Variants in FERMT2 observed in about 807,000 individuals in gnomAD.
FERMT2 encodes FERM domain containing kindlin 2, also known as fermitin family homolog 2.
In FERMT2, 15 loss-of-function variants were observed where a neutral mutation model predicts 82.7. That is an observed-to-expected ratio of 0.18 (90% CI 0.12 to 0.28). The LOEUF (loss-of-function observed/expected upper bound fraction) is 0.28. Ranked by LOEUF, FERMT2 falls within the 10% of genes least tolerant of loss-of-function variation. The pLI is 1.00. For synonymous variants in FERMT2, 274 were observed against 271.5 expected, an observed-to-expected ratio of 1.01 and a Z score of -0.09; for missense variants, 645 against 809.4, an observed-to-expected ratio of 0.80 and a Z score of 2.46.
intron 4 of FERMT2, among the ~76,000 whole-genome samples, chr14:52,887,774 C>CT (rs1385721099): frequency 1.3e-5 from 2 of 152,044 alleles, no homozygotes; most frequent in East Asian, 3.9e-4. Flanking sequence ...AATTACTTAA[C>CT]TAAGTAACGA....
intron 10 of FERMT2, chr14:52,871,739 T>C (rs1403792068): frequency 6.6e-6 from 1 of 152,390 alleles, no homozygotes; most frequent in East Asian, 1.9e-4. Flanking sequence ...TGAGGCTTCA[T>C]CCAGGCTTAG....
intron 4 of FERMT2, among the ~76,000 whole-genome samples, chr14:52,893,008 T>G (rs1385189105): frequency 6.6e-6 from 1 of 151,940 alleles, no homozygotes; most frequent in Non-Finnish European, 1.5e-5. Flanking sequence ...AGAGTTTATG[T>G]TTTTTTTGAG....
intron 4 of FERMT2, among the ~76,000 whole-genome samples, chr14:52,882,307 A>G (rs1594944952): frequency 6.6e-6 from 1 of 152,166 alleles, no homozygotes; most frequent in East Asian, 1.9e-4. Flanking sequence ...GAAAGAGTCT[A>G]AACAGAGATA....
chr14:52,932,909 C>T (rs1352679128), intron 2 of FERMT2, among the ~76,000 whole-genome samples: 2 of 152,126 alleles, frequency 1.3e-5, no homozygotes, highest in Non-Finnish European at 2.9e-5. Context: ...TGAGTTTCCA[C>T]AACCATGAAA....
Position 52,950,416 on chromosome 14 carries a change from T to G in FERMT2, c.153A>C (p.Lys51Asn). Residue 51 changes from lysine (K) to asparagine (N), a missense_variant, in exon 2 of 15, where the codon AAA (lysine) becomes AAC (asparagine). Physicochemically the swap from Lys to Asn is moderately conservative, Grantham distance 94. Transcript: ENST00000341590. ...IGGVMLKLVE[K>N]LDVKKDWSDH... ...CGCGGCTGGGATGCTACTCACCGAG[T>G]TTCTCCACCAGCTTAAGCATCACGC... 1 of 1,612,428 alleles carries G rather than the reference T, an allele frequency of 6.2e-7. No individual in the cohort carries two copies. Among genetic ancestry groups the G allele is most frequent in the Non-Finnish European group, 8.5e-7 (1 of 1,179,362 alleles).
At chr14:52,931,313 T>C (rs1889555621) in intron 2 of FERMT2, among the ~76,000 whole-genome samples, 1 of 152,178 alleles carries the variant, frequency 6.6e-6, no homozygotes, top group South Asian at 2.1e-4. Flanking sequence ...CGTGAAAGAT[T>C]AATTAGGTTA....
intron 2 of FERMT2, among the ~76,000 whole-genome samples, chr14:52,926,411 AACACACACAC>A (rs34726532): frequency 0.41 from 60,462 of 146,912 alleles, 13,057 homozygotes; most frequent in South Asian, 0.6. Context: ...GACCAAGTGC[AACACACACAC>A]ACACACACAC....
At chr14:52,947,900 T>C (rs980479719) in intron 2 of FERMT2, among the ~76,000 whole-genome samples, 8 of 152,258 alleles carry the variant, frequency 5.3e-5, no homozygotes, top group Non-Finnish European at 1.0e-4. Context: ...AAATAATTGC[T>C]GCTACTGAAC....
chr14:52,937,262 C>T (rs1889888671), intron 2 of FERMT2, among the ~76,000 whole-genome samples: 2 of 152,112 alleles, frequency 1.3e-5, no homozygotes, highest in African/African-American at 2.4e-5. Flanking sequence ...TTGTTCACCC[C>T]AGTTTGTAGT....
intron 4 of FERMT2, among the ~76,000 whole-genome samples, chr14:52,885,295 A>T (rs528330017): frequency 2.0e-4 from 22 of 108,314 alleles, no homozygotes; most frequent in Non-Finnish European, 3.3e-4. Flanking sequence ...CCTGGGTAAC[A>T]GGGCGAGACT....
intron 2 of FERMT2, among the ~76,000 whole-genome samples, chr14:52,944,873 C>T (rs2139708080): frequency 6.6e-6 from 1 of 152,052 alleles, no homozygotes; most frequent in African/African-American, 2.4e-5. Flanking sequence ...CTAAAGGCCA[C>T]GTTCAGAAAT....
chr14:52,934,786 T>C (rs1889759911), intron 2 of FERMT2, among the ~76,000 whole-genome samples: 2 of 152,258 alleles, frequency 1.3e-5, no homozygotes, highest in Admixed American at 1.3e-4. Context: ...CACTTTTTGT[T>C]AATTCATTGC....
chr14:52,901,592 G>A (rs1887655677), intron 3 of FERMT2, among the ~76,000 whole-genome samples: 2 of 152,212 alleles, frequency 1.3e-5, no homozygotes, highest in Admixed American at 6.6e-5. Context: ...GATAAATTCA[G>A]ACAGAAGACC....
At chr14:52,868,869 T>C (rs1885445683) in intron 10 of FERMT2, among the ~76,000 whole-genome samples, 1 of 152,154 alleles carries the variant, frequency 6.6e-6, no homozygotes, top group African/African-American at 2.4e-5. Flanking sequence ...TCCAGACCAT[T>C]TGATTCTTGG....
intron 13 of FERMT2, chr14:52,860,090 T>C (rs1343988477): frequency 5.2e-6 from 2 of 381,596 alleles, no homozygotes; most frequent in Non-Finnish European, 9.4e-6. Context: ...GTGCTGCGAT[T>C]ACAGGCGTGA....
At chr14:52,873,029 C>T in intron 9 of FERMT2, 106 bp from the exon 10 acceptor site, 2 of 1,093,218 alleles carry the variant, frequency 1.8e-6, no homozygotes, top group African/African-American at 1.6e-5. Context: ...TCAAGTTTTA[C>T]ACGTGCTGAA....
At chr14:52,927,092 G>T (rs1870658582) in intron 2 of FERMT2, among the ~76,000 whole-genome samples, 2 of 151,976 alleles carry the variant, frequency 1.3e-5, no homozygotes, top group African/African-American at 2.4e-5. Context: ...TCCCTCAACT[G>T]TAACAGAATG....
chr14:52,921,191 T>C (rs1440595882), intron 2 of FERMT2, among the ~76,000 whole-genome samples: 1 of 152,230 alleles, frequency 6.6e-6, no homozygotes, highest in African/African-American at 2.4e-5. Context: ...TGAAATTTAC[T>C]TGATACGACT....
At position 52,859,704 on chromosome 14, in the gene FERMT2, C is replaced by A; in HGVS notation, c.1738G>T (p.Gly580Cys). Reference protein sequence around the residue: ...ITHFIARFQGGKKEELIGIAY... With the variant: ...ITHFIARFQGCKKEELIGIAY... ...ATTCCAATAAGTTCTTCTTTTTTGC[C>A]CCCTTGGAACCTATAACATTTAAGA... Residue 580 changes from glycine to cysteine, a missense_variant, in exon 14 of 15, where the codon GGC becomes TGC. Transcript: ENST00000341590. The A allele has an allele frequency of 6.3e-7, 1 of 1,580,340 alleles. No individual in the cohort carries two copies. The highest frequency in any genetic ancestry group is 8.6e-7 in the Non-Finnish European group (1 of 1,162,192).
Sources: allele counts gnomAD v4.1 joint callset (sites outside exome capture counted in the v4.1 genomes callset), GRCh38; gene constraint gnomAD v4.1.1; transcripts MANE v1.5; gene names NCBI Gene and HGNC (gene_info 2026-07-23, HGNC 2026-07-21).